PCDH15: variants seen among roughly 807,000 people sequenced by gnomAD.
PCDH15 encodes protocadherin related 15.
PCDH15 carries 129 observed loss-of-function variants against 178.5 expected under a neutral mutation model. The observed-to-expected ratio is 0.72, with a 90% CI of 0.63 to 0.84. The LOEUF is 0.84. PCDH15 is among the 40% of genes least tolerant of loss of function. The pLI, the probability that PCDH15 is intolerant of heterozygous loss-of-function variation, is 0.00. For synonymous variants in PCDH15, 800 were observed against 732.0 expected (o/e 1.09, Z -1.50); for missense variants, 2,230 against 2,099.9 (o/e 1.06, Z -1.21).
chr10:54,323,298 A>G (rs2061723408), intron 7 of PCDH15, among the ~76,000 whole-genome samples: 1 of 152,188 alleles, frequency 6.6e-6, no homozygotes, highest in Non-Finnish European at 1.5e-5. Flanking sequence ...TGTGGAAAGC[A>G]GTTTGAAGAT....
intron 1 of PCDH15, among the ~76,000 whole-genome samples, chr10:55,248,973 T>C (rs1841758771): frequency 1.3e-5 from 2 of 152,198 alleles, no homozygotes; most frequent in South Asian, 2.1e-4. Context: ...GAGAGTCTAG[T>C]ACAGCCAAGT....
intron 2 of PCDH15, among the ~76,000 whole-genome samples, chr10:55,573,575 T>C (rs2132112312): frequency 6.6e-6 from 1 of 152,250 alleles, no homozygotes; most frequent in Admixed American, 6.5e-5. Context: ...GAAAAGCTGC[T>C]ATATTTGAAA....
chr10:54,586,671 C>T (rs2091490162), intron 2 of PCDH15, among the ~76,000 whole-genome samples: 1 of 152,080 alleles, frequency 6.6e-6, no homozygotes. Flanking sequence ...TTTACAGTTC[C>T]TATATGCATA....
intron 2 of PCDH15, among the ~76,000 whole-genome samples, chr10:54,979,533 G>T (rs1394329132): frequency 1.3e-5 from 2 of 151,970 alleles, no homozygotes; most frequent in East Asian, 3.9e-4. Flanking sequence ...GCCAGACGTG[G>T]TGATACGTGC....
chr10:55,589,704 A>G (rs1472417526), intron 2 of PCDH15, among the ~76,000 whole-genome samples: 1 of 151,612 alleles, frequency 6.6e-6, no homozygotes, highest in Non-Finnish European at 1.5e-5. Context: ...CAAAAAACAC[A>G]TGAAAAAATG....
intron 1 of PCDH15, among the ~76,000 whole-genome samples, chr10:54,721,468 C>T (rs962146328): frequency 6.6e-6 from 1 of 151,704 alleles, no homozygotes; most frequent in African/African-American, 2.4e-5. Flanking sequence ...ACAAAATTGA[C>T]AGACTGCTAG....
At chr10:53,974,926 C>T (rs2090064326) in intron 21 of PCDH15, among the ~76,000 whole-genome samples, 1 of 152,028 alleles carries the variant, frequency 6.6e-6, no homozygotes, top group Non-Finnish European at 1.5e-5. Context: ...GCTCTTGCTC[C>T]CCTCCTTCCC....
At chr10:54,865,651 C>T (rs1397859716) in intron 3 of PCDH15, among the ~76,000 whole-genome samples, 3 of 152,062 alleles carry the variant, frequency 2.0e-5, no homozygotes, top group African/African-American at 7.2e-5. Context: ...AATTTGGATG[C>T]GGTGCAGAGC....
chr10:53,934,083 A>G (rs966160730), intron 25 of PCDH15, among the ~76,000 whole-genome samples: 2 of 152,224 alleles, frequency 1.3e-5, no homozygotes, highest in African/African-American at 4.8e-5. Flanking sequence ...GCCCTTTGTC[A>G]GATGAGTAGG....
intron 3 of PCDH15, among the ~76,000 whole-genome samples, chr10:54,479,914 T>A (rs1056491673): frequency 3.0e-4 from 46 of 152,090 alleles, no homozygotes; most frequent in Non-Finnish European, 4.4e-5. Context: ...ACTCTCAGAA[T>A]AAGTACCCAT....
In PCDH15 at chr10:54,633,224, G is replaced by T. The variant is rs950178261; in HGVS notation, c.91+30948C>A. Among the ~76,000 whole-genome samples the T allele has an allele frequency of 1.8e-4, 28 of 152,036 alleles. 1 individual carries two copies. Among genetic ancestry groups the T allele is most frequent in the African/African-American group, 2.4e-5 (1 of 41,400 alleles). ...GAGCCTGCATAATCCTGAAGGTCAGGGAGCAAATTAAAGAGTAAAGGGGCA... is the reference window on the plus strand; with the variant it reads ...GAGCCTGCATAATCCTGAAGGTCAGTGAGCAAATTAAAGAGTAAAGGGGCA... On this transcript the variant is annotated intron_variant, in intron 2 of 37. Transcript: ENST00000644397.
intron 2 of PCDH15, among the ~76,000 whole-genome samples, chr10:54,977,008 G>T (rs1183804435): frequency 6.6e-6 from 1 of 152,108 alleles, no homozygotes; most frequent in Non-Finnish European, 1.5e-5. Context: ...TTCAAAGGTG[G>T]TTTCATTTGT....
chr10:54,407,764 GA>G (rs757217618), intron 3 of PCDH15, among the ~76,000 whole-genome samples: 15 of 152,048 alleles, frequency 9.9e-5, no homozygotes, highest in Non-Finnish European at 1.8e-4. Context: ...GCTAAAAAAG[GA>G]AAAGGGATGG....
At chr10:53,895,664 T>C (rs1264884546) in intron 26 of PCDH15, among the ~76,000 whole-genome samples, 1 of 152,236 alleles carries the variant, frequency 6.6e-6, no homozygotes, top group Non-Finnish European at 1.5e-5. Context: ...CAATAAATGC[T>C]ATTTTTGCAG....
chr10:55,596,852 A>G (rs564050626), intron 2 of PCDH15, among the ~76,000 whole-genome samples: 5 of 150,350 alleles, frequency 3.3e-5, no homozygotes, highest in African/African-American at 1.3e-4. Flanking sequence ...ATGATAATAC[A>G]GGTTTTTGAG....
chr10:54,520,558 G>A (rs1400302862), intron 3 of PCDH15, among the ~76,000 whole-genome samples: 1 of 152,062 alleles, frequency 6.6e-6, no homozygotes, highest in Non-Finnish European at 1.5e-5. Context: ...AAAAAGTCAG[G>A]AAACAACAGG....
At chr10:53,923,089 A>C (rs889443189) in intron 25 of PCDH15, among the ~76,000 whole-genome samples, 17 of 152,174 alleles carry the variant, frequency 1.1e-4, no homozygotes, top group Non-Finnish European at 4.4e-5. Context: ...TCCGTCTCAA[A>C]AAAACAAAAC....
At chr10:54,750,956 C>T (rs1946143532) in intron 1 of PCDH15, among the ~76,000 whole-genome samples, 4 of 151,996 alleles carry the variant, frequency 2.6e-5, no homozygotes, top group Admixed American at 1.3e-4. Context: ...ACCAGCTTTA[C>T]ATGCACTGGC....
chr10:53,876,140 G>A (rs929630172), intron 26 of PCDH15, among the ~76,000 whole-genome samples: 3 of 151,532 alleles, frequency 2.0e-5, no homozygotes, highest in East Asian at 1.9e-4. Flanking sequence ...AAAAATAACA[G>A]AGCTTTGGCA....
Sources: allele counts gnomAD v4.1 joint callset (sites outside exome capture counted in the v4.1 genomes callset), GRCh38; gene constraint gnomAD v4.1.1; transcripts MANE v1.5; gene names NCBI Gene and HGNC (gene_info 2026-07-23, HGNC 2026-07-21).